The following HS3ST5 variants were observed in gnomAD, a reference collection of about 807,000 sequenced individuals.
HS3ST5 encodes heparan sulfate-glucosamine 3-sulfotransferase 5.
In HS3ST5, 10 loss-of-function variants were observed where a neutral mutation model predicts 25.4. The ratio of observed to expected loss-of-function variants is 0.39; its 90% CI spans 0.24 to 0.67. HS3ST5 has a LOEUF of 0.67. Ranked by LOEUF, HS3ST5 falls within the 30% of genes least tolerant of loss-of-function variation. The pLI is 0.44. For synonymous variants in HS3ST5, 170 were observed against 162.4 expected (o/e 1.05, Z -0.36); for missense variants, 324 against 420.7 (o/e 0.77, Z 2.01).
intron 3 of HS3ST5, among the ~76,000 whole-genome samples, chr6:114,134,570 C>G (rs1211382945): frequency 1.3e-5 from 2 of 152,196 alleles, no homozygotes; most frequent in African/African-American, 4.8e-5. Flanking sequence ...CAGTTGTTCT[C>G]AGCCTAAGCC....
chr6:114,166,400 C>T (rs1286962642), intron 3 of HS3ST5, among the ~76,000 whole-genome samples: 1 of 152,172 alleles, frequency 6.6e-6, no homozygotes. Context: ...TAATGATTTT[C>T]TAGACAATAA....
At chr6:114,108,512 T>G (rs967701084) in intron 3 of HS3ST5, among the ~76,000 whole-genome samples, 2 of 152,084 alleles carry the variant, frequency 1.3e-5, no homozygotes, top group Non-Finnish European at 2.9e-5. Context: ...GAAGAGCCTG[T>G]CCAGTGCACA....
At chr6:114,103,612 G>C (rs958129536) in intron 3 of HS3ST5, among the ~76,000 whole-genome samples, 7 of 151,216 alleles carry the variant, frequency 4.6e-5, no homozygotes, top group African/African-American at 1.7e-4. Context: ...TATAGAGACA[G>C]GGTCTGACTC....
intron 1 of HS3ST5, among the ~76,000 whole-genome samples, chr6:114,310,999 A>T (rs1775505462): frequency 6.6e-6 from 1 of 152,220 alleles, no homozygotes; most frequent in African/African-American, 2.4e-5. Context: ...AGGCTCAAGA[A>T]TAAATACATT....
intron 1 of HS3ST5, among the ~76,000 whole-genome samples, chr6:114,317,669 A>G (rs1047968567): frequency 6.6e-6 from 1 of 152,036 alleles, no homozygotes; most frequent in African/African-American, 2.4e-5. Context: ...AACAAAAGTA[A>G]CATGGTGCCT....
intron 3 of HS3ST5, among the ~76,000 whole-genome samples, chr6:114,148,349 T>A (rs930848697): frequency 1.3e-5 from 2 of 152,220 alleles, no homozygotes; most frequent in Admixed American, 6.5e-5. Flanking sequence ...CCAGGCACAG[T>A]GGCTTATGCC....
In HS3ST5 at chr6:114,058,005, A is replaced by G. The variant is rs1772867887; in HGVS notation, c.293T>C (p.Val98Ala). The G allele has an allele frequency of 6.2e-7, 1 of 1,613,914 alleles. No individual in the cohort carries two copies. The change falls in exon 5 of 5, where the codon GTG becomes GCG. Residue 98 changes from valine to alanine, a missense_variant. By Grantham distance (64) the Val-to-Ala change is moderately conservative. Transcript: ENST00000312719. ...CAGGGCCCTTGTGCCTCCTTTCCTC[A>G]CCCCAATGATAATGGCCTTGGGGAG... is the stretch of plus-strand genomic sequence containing the variant. ...QQLPKAIIIG[V>A]RKGGTRALLE...
intron 1 of HS3ST5, chr6:114,231,539 A>G (rs903468924): frequency 2.0e-5 from 3 of 152,152 alleles, no homozygotes; most frequent in African/African-American, 7.2e-5. Context: ...TTAACCTGGC[A>G]TTTAATTCTC....
chr6:114,202,961 T>C (rs1201628604), intron 2 of HS3ST5, among the ~76,000 whole-genome samples: 1 of 152,214 alleles, frequency 6.6e-6, no homozygotes, highest in Non-Finnish European at 1.5e-5. Context: ...ACTTCAAAAA[T>C]TTTAACCAAA....
At chr6:114,086,392 C>T (rs1298526381) in intron 3 of HS3ST5, among the ~76,000 whole-genome samples, 2 of 152,212 alleles carry the variant, frequency 1.3e-5, no homozygotes, top group East Asian at 3.9e-4. Flanking sequence ...AAAGCAGCCT[C>T]TAGGAGCTGT....
At chr6:114,229,884 T>C (rs1771492982) in intron 1 of HS3ST5, among the ~76,000 whole-genome samples, 1 of 152,178 alleles carries the variant, frequency 6.6e-6, no homozygotes, top group Non-Finnish European at 1.5e-5. Context: ...CTGTGAAGGA[T>C]GAGCAACTTA....
intron 1 of HS3ST5, among the ~76,000 whole-genome samples, chr6:114,294,966 C>A (rs1178963869): frequency 6.6e-6 from 1 of 152,070 alleles, no homozygotes; most frequent in African/African-American, 2.4e-5. Context: ...TTGAATGGAG[C>A]TTAATATCAT....
At chr6:114,221,179 C>G (rs1211072018) in intron 2 of HS3ST5, among the ~76,000 whole-genome samples, 1 of 151,982 alleles carries the variant, frequency 6.6e-6, no homozygotes, top group African/African-American at 2.4e-5. Context: ...ACTTCCAGCT[C>G]AATCAGTCTG....
Position 114,158,971 on chromosome 6 carries a change from G to A in HS3ST5, c.-33+9380C>T, listed in dbSNP as rs188557514. Reference sequence around the variant, plus strand: ...CAAATGCAAATAGAGAAATATAGTAGAAAACCAAATAGCAGATTCTCATTA... The same window carrying A: ...CAAATGCAAATAGAGAAATATAGTAAAAAACCAAATAGCAGATTCTCATTA... On this transcript the variant is annotated intron_variant, in intron 3 of 4. Transcript: ENST00000312719. Among the ~76,000 whole-genome samples the A allele has an allele frequency of 2.1e-3, 324 of 152,288 alleles. 4 individuals carry two copies. Among genetic ancestry groups the A allele is most frequent in the Non-Finnish European group, 3.3e-3 (222 of 68,020 alleles).
At chr6:114,260,653 C>G (rs1055989774) in intron 1 of HS3ST5, among the ~76,000 whole-genome samples, 1 of 152,080 alleles carries the variant, frequency 6.6e-6, no homozygotes, top group African/African-American at 2.4e-5. Flanking sequence ...TGATCAGACC[C>G]CAGATTATTT....
At chr6:114,116,434 C>G (rs1776532661) in intron 3 of HS3ST5, among the ~76,000 whole-genome samples, 1 of 152,028 alleles carries the variant, frequency 6.6e-6, no homozygotes, top group African/African-American at 2.4e-5. Flanking sequence ...AGACCATAAC[C>G]TCTCTTTACC....
chr6:114,139,065 C>T (rs1167712794), intron 3 of HS3ST5, among the ~76,000 whole-genome samples: 2 of 152,172 alleles, frequency 1.3e-5, no homozygotes, highest in Admixed American at 6.5e-5. Flanking sequence ...AATATTCAAT[C>T]TATAGCAGGA....
intron 3 of HS3ST5, among the ~76,000 whole-genome samples, chr6:114,079,798 T>G (rs150967310): frequency 1.5e-4 from 23 of 152,204 alleles, no homozygotes; most frequent in African/African-American, 5.5e-4. Context: ...GAGACGGAGT[T>G]TTGGCTCTTG....
At chr6:114,063,542 AG>A (rs1773265836) in intron 3 of HS3ST5, among the ~76,000 whole-genome samples, 1 of 151,392 alleles carries the variant, frequency 6.6e-6, no homozygotes, top group African/African-American at 2.4e-5. Context: ...GAGCAACTTG[AG>A]GCTTAACAGC....
Sources: gnomAD v4.1 joint callset for allele counts (sites outside exome capture counted in the v4.1 genomes callset) on GRCh38, gnomAD v4.1.1 for gene constraint, MANE v1.5 for transcripts, NCBI Gene and HGNC (gene_info 2026-07-23, HGNC 2026-07-21) for gene names.